ELMO1: variants seen among roughly 807,000 people sequenced by gnomAD.
ELMO1 encodes engulfment and cell motility protein 1.
A neutral mutation model predicts 98.9 loss-of-function variants in ELMO1; 26 were observed. That is an observed-to-expected ratio of 0.26 (90% CI 0.19 to 0.36). The LOEUF (loss-of-function observed/expected upper bound fraction) is 0.36, where lower values mean the gene tolerates loss of function less well. Ranked by LOEUF, ELMO1 falls within the 10% of genes least tolerant of loss-of-function variation. The probability of loss-of-function intolerance (pLI) is 1.00; values close to 1 mark genes in which losing one functional copy is unlikely to be tolerated. For synonymous variants in ELMO1, 346 were observed against 346.0 expected (o/e 1.00, Z 0.00); for missense variants, 627 against 935.2 (o/e 0.67, Z 4.30).
At chr7:36,929,478 C>T (rs969958223) in intron 16 of ELMO1, among the ~76,000 whole-genome samples, 1 of 152,234 alleles carries the variant, frequency 6.6e-6, no homozygotes, top group African/African-American at 2.4e-5. Context: ...TTGAAAATTT[C>T]TCTAAGCTGA....
chr7:36,999,233 C>T (rs1792453236), intron 16 of ELMO1, among the ~76,000 whole-genome samples: 2 of 152,160 alleles, frequency 1.3e-5, no homozygotes, highest in African/African-American at 4.8e-5. Flanking sequence ...GCCATGTGTG[C>T]TGTGTGATCT....
At chr7:37,099,384 G>T (rs1374203147) in intron 14 of ELMO1, among the ~76,000 whole-genome samples, 1 of 152,140 alleles carries the variant, frequency 6.6e-6, no homozygotes, top group Admixed American at 6.5e-5. Context: ...TTAACACATT[G>T]ATACATCTAC....
intron 16 of ELMO1, among the ~76,000 whole-genome samples, chr7:36,977,699 C>A (rs928170057): frequency 2.6e-5 from 4 of 152,184 alleles, no homozygotes; most frequent in Non-Finnish European, 5.9e-5. Context: ...AGTTCAGTTT[C>A]TCTTAGGTGT....
intron 1 of ELMO1, among the ~76,000 whole-genome samples, chr7:37,398,062 A>T (rs1803370787): frequency 6.6e-6 from 1 of 152,218 alleles, no homozygotes. Flanking sequence ...TGCTGGGCTC[A>T]ATACCTAGGT....
Position 36,855,766 on chromosome 7 carries a change from G to C in ELMO1, c.1984-15C>G. ...CAGATACAGTACTGGCAGGAAGGGA[G>C]GCAACAGCGATCATTACTGGTGGCA... is the stretch of plus-strand genomic sequence containing the variant. On this transcript the variant is annotated splice_polypyrimidine_tract_variant and intron_variant, in intron 21 of 21. Transcript: ENST00000310758. This position sits in a 1 kb window ranked among gnomAD's most constrained non-coding sequence, Gnocchi z 4.2. 1 of 1,613,802 alleles carries C rather than the reference G, an allele frequency of 6.2e-7. No homozygotes were observed. The highest frequency in any genetic ancestry group is 8.5e-7 in the Non-Finnish European group (1 of 1,179,842).
chr7:37,224,773 T>C, intron 9 of ELMO1, 106 bp downstream of exon 9: 1 of 1,465,370 alleles, frequency 6.8e-7, no homozygotes, highest in Non-Finnish European at 9.2e-7. Context: ...AGATTCTTTT[T>C]CTGTACATTT....
intron 14 of ELMO1, among the ~76,000 whole-genome samples, chr7:37,105,587 G>A (rs1408208282): frequency 6.6e-6 from 1 of 152,182 alleles, no homozygotes; most frequent in Non-Finnish European, 1.5e-5. Flanking sequence ...GTGTACTCAC[G>A]AATCTGCCTT....
chr7:37,253,873 A>G (rs1011459622), intron 6 of ELMO1, among the ~76,000 whole-genome samples: 4 of 152,132 alleles, frequency 2.6e-5, no homozygotes, highest in African/African-American at 9.7e-5. Context: ...TTAGGAAACG[A>G]CCACCTTCTC....
intron 20 of ELMO1, among the ~76,000 whole-genome samples, chr7:36,864,597 C>T (rs905989273): frequency 2.6e-5 from 4 of 152,138 alleles, no homozygotes; most frequent in African/African-American, 9.7e-5. Flanking sequence ...GGCTGCAGAG[C>T]CAGGAGCAAT....
chr7:37,043,064 T>C (rs77102790), intron 15 of ELMO1, among the ~76,000 whole-genome samples: 4,885 of 152,290 alleles, frequency 0.032, 132 homozygotes, highest in African/African-American at 0.071. Context: ...AATGGCTGCA[T>C]ACATATCTGG....
At chr7:36,949,167 T>C (rs1787761701) in intron 16 of ELMO1, among the ~76,000 whole-genome samples, 1 of 152,128 alleles carries the variant, frequency 6.6e-6, no homozygotes, top group South Asian at 2.1e-4. Flanking sequence ...GCTCACTCAC[T>C]CTTCAAAGAT....
At chr7:36,862,095 C>A in intron 20 of ELMO1, 2 of 244,846 alleles carry the variant, frequency 8.2e-6, no homozygotes, top group Non-Finnish European at 1.6e-5. Context: ...CAGCATCTCC[C>A]TTCCAGAGAG....
intron 4 of ELMO1, among the ~76,000 whole-genome samples, chr7:37,287,641 G>A (rs971138183): frequency 2.0e-5 from 3 of 152,170 alleles, no homozygotes; most frequent in South Asian, 2.1e-4. Flanking sequence ...AAAAGTTTAC[G>A]TTTTTATATG....
intron 13 of ELMO1, among the ~76,000 whole-genome samples, chr7:37,142,887 TGGA>T (rs1329810863): frequency 6.6e-6 from 1 of 152,232 alleles, no homozygotes; most frequent in Admixed American, 6.5e-5. Context: ...GTGAAGCTGA[TGGA>T]GGAGAAGATC....
At chr7:36,878,866 A>C (rs534834303) in intron 18 of ELMO1, among the ~76,000 whole-genome samples, 24 of 152,236 alleles carry the variant, frequency 1.6e-4, no homozygotes, top group Non-Finnish European at 2.9e-4. Flanking sequence ...TCTATGAGGC[A>C]GGAAGAAAGA....
At chr7:36,905,091 A>G (rs1783859177) in intron 16 of ELMO1, among the ~76,000 whole-genome samples, 1 of 152,220 alleles carries the variant, frequency 6.6e-6, no homozygotes, top group South Asian at 2.1e-4. Context: ...GACCTTGAGG[A>G]GACACGGTGG....
At chr7:37,361,388 C>G (rs566017509) in intron 1 of ELMO1, among the ~76,000 whole-genome samples, 17 of 152,324 alleles carry the variant, frequency 1.1e-4, no homozygotes, top group South Asian at 2.1e-4. Flanking sequence ...CACACTCTAG[C>G]TTATGGGCCA....
chr7:36,859,925 C>A (rs1451726561), intron 21 of ELMO1, among the ~76,000 whole-genome samples: 1 of 152,092 alleles, frequency 6.6e-6, no homozygotes. Context: ...CCTCTGCCAC[C>A]CCTGAGACCT....
At position 36,861,712 on chromosome 7, in the gene ELMO1, T is replaced by C. The variant is rs745428862; in HGVS notation, c.1930A>G (p.Ile644Val). The change falls in exon 21 of 22, where the codon ATC becomes GTC. Residue 644 changes from isoleucine to valine, a missense_variant. Ile to Val is a conservative substitution (Grantham distance 29). This residue lies in a region of ELMO1 where 492 missense variants were observed against 715.6 expected (regional missense o/e 0.69). Coordinates refer to ENST00000310758, the MANE Select transcript of ELMO1 (RefSeq NM_014800.11). ...AGTTGGCAGTTTGAGTCATACAAGA[T>C]GGAGAAAGCGAGTTCAAGCACCTCC... is the stretch of plus-strand genomic sequence containing the variant. ...NKEVLELAFS[I>V]LYDSNCQLNF... is the part of the protein sequence containing the mutation. 13 of 1,610,222 alleles carry C rather than the reference T, an allele frequency of 8.1e-6. No homozygotes were observed. Among genetic ancestry groups the C allele is most frequent in the African/African-American group, 2.7e-5 (2 of 73,664 alleles).
Sources: allele counts gnomAD v4.1 joint callset (sites outside exome capture counted in the v4.1 genomes callset), GRCh38; gene constraint gnomAD v4.1.1; regional missense constraint gnomAD v4.1.1; non-coding constraint Gnocchi (gnomAD v3.1); transcripts MANE v1.5; gene names NCBI Gene and HGNC (gene_info 2026-07-23, HGNC 2026-07-21).